The following GIMAP5 variants were observed in gnomAD, a reference collection of about 807,000 sequenced individuals.
The protein encoded by GIMAP5 is GTPase, IMAP family member 5, also known as GTPase IMAP family member 5.
Under a neutral mutation model 9.9 loss-of-function variants are expected in GIMAP5, and 8 were observed. That is an observed-to-expected ratio of 0.81 (90% CI 0.47 to 1.45). GIMAP5 has a LOEUF of 1.45. Ranked by LOEUF, GIMAP5 falls within the 40% of genes most tolerant of loss-of-function variation. The pLI is 0.00. For synonymous variants in GIMAP5, 174 were observed against 151.4 expected (o/e 1.15, Z -1.09); for missense variants, 353 against 367.4 (o/e 0.96, Z 0.32).
At chr7:150,739,006 GT>G (rs1212957087) in intron 1 of GIMAP5, 2 of 152,226 alleles carry the variant, frequency 1.3e-5, no homozygotes, top group African/African-American at 2.4e-5. Context: ...ACATAACATA[GT>G]TTGACTGGCT....
In GIMAP5 at chr7:150,737,649, C is replaced by T. The variant is rs1219405911; in HGVS notation, c.-66C>T. ...GCCACTTCACCTTCCTGAGAGAGGACCAGCGGCCAGAGCCTCAGTGACTGC... is the reference window on the plus strand; with the variant it reads ...GCCACTTCACCTTCCTGAGAGAGGATCAGCGGCCAGAGCCTCAGTGACTGC... On this transcript the variant is annotated 5_prime_UTR_variant, in exon 1 of 3. Transcript: ENST00000358647. 6.5e-7 allele frequency: 1 copy of T among 1,535,718 alleles called. No homozygotes were observed. Among genetic ancestry groups the T allele is most frequent in the Non-Finnish European group, 8.7e-7 (1 of 1,146,898 alleles).
rs753633013 is a variant in GIMAP5 at position 150,742,211 on chromosome 7, A to G, written c.72A>G (p.Thr24=). The G allele has an allele frequency of 3.7e-6, 6 of 1,614,134 alleles. No individual in the cohort carries two copies. The highest frequency in any genetic ancestry group is 5.1e-6 in the Non-Finnish European group (6 of 1,179,964). The change falls in exon 3 of 3, where the codon ACA becomes ACG. Residue 24 remains threonine, a synonymous_variant. Coordinates refer to ENST00000358647, the MANE Select transcript of GIMAP5 (RefSeq NM_018384.5). ...GATCAGAAGATAACTTGTCTGCAAC[A>G]CCACCGGCATTGAGGATTATCCTAG... The part of the protein sequence containing the change: ...EGRSEDNLSA[T]PPALRIILVG...
At chr7:150,742,069 A>G (rs1429822632) in intron 2 of GIMAP5, 114 bp from the exon 3 acceptor site, 7 of 1,248,548 alleles carry the variant, frequency 5.6e-6, no homozygotes, top group Non-Finnish European at 7.8e-6. Context: ...ACACATAAAT[A>G]TGTCTGTCAT....
intron 1 of GIMAP5, chr7:150,739,936 A>G (rs1797570188): frequency 6.6e-6 from 1 of 152,264 alleles, no homozygotes; most frequent in Non-Finnish European, 1.5e-5. Context: ...CAAATAAACC[A>G]TGAAAACTGT....
chr7:150,737,758 T>C, intron 1 of GIMAP5, 50 bp downstream of exon 1: 2 of 1,442,096 alleles, frequency 1.4e-6, no homozygotes, highest in Non-Finnish European at 1.9e-6. Context: ...ATTGAAAGGA[T>C]CACAGTTTGG....
intron 2 of GIMAP5, among the ~76,000 whole-genome samples, chr7:150,741,309 C>T (rs10239400): frequency 1.1e-4 from 17 of 151,970 alleles, no homozygotes; most frequent in East Asian, 3.9e-4. Flanking sequence ...CTTAAGAAAA[C>T]GAAGAACCAA....
chr7:150,740,701 C>T, intron 1 of GIMAP5, 178 bp from the exon 2 acceptor site: 4 of 596,684 alleles, frequency 6.7e-6, no homozygotes, highest in Admixed American at 3.1e-5. Context: ...CTAACATCAC[C>T]TGCTTTGTTT....
At chr7:150,739,859 A>G (rs1454324625) in intron 1 of GIMAP5, 1 of 152,240 alleles carries the variant, frequency 6.6e-6, no homozygotes, top group Non-Finnish European at 1.5e-5. Flanking sequence ...GAATGAATAG[A>G]AAAATGTGGA....
At position 150,742,595 on chromosome 7, in the gene GIMAP5, C is replaced by T; in HGVS notation, c.456C>T (p.His152=). Reference sequence around the variant, plus strand: ...GACATGTGGTCATCCTCTTCACCCACAAAGAGGACTTAGGGGGCCAGGCCC... The same window carrying T: ...GACATGTGGTCATCCTCTTCACCCATAAAGAGGACTTAGGGGGCCAGGCCC... ...AMRHVVILFT[H]KEDLGGQALD... is the part of the protein sequence containing the mutation. The change falls in exon 3 of 3, where the codon CAC becomes CAT. Residue 152 remains histidine (H), a synonymous_variant. Coordinates refer to ENST00000358647, the MANE Select transcript of GIMAP5 (RefSeq NM_018384.5). 8 of 1,614,214 alleles carry T rather than the reference C, an allele frequency of 5.0e-6. No homozygotes were observed. The highest frequency in any genetic ancestry group is 6.8e-6 in the Non-Finnish European group (8 of 1,180,042).
At chr7:150,740,157 C>T (rs1797573188) in intron 1 of GIMAP5, 2 of 152,194 alleles carry the variant, frequency 1.3e-5, no homozygotes, top group Non-Finnish European at 2.9e-5. Context: ...GGAAAATGTA[C>T]ATCCCCAATA....
At position 150,742,793 on chromosome 7, in the gene GIMAP5, C is replaced by T. The variant is rs1208435748; in HGVS notation, c.654C>T (p.Phe218=). 8.1e-6 allele frequency: 13 copies of T among 1,614,130 alleles called. No homozygotes were observed. Among genetic ancestry groups the T allele is most frequent in the Non-Finnish European group, 1.1e-5 (13 of 1,180,038 alleles). ...TGGGGAGGGAGCGAGAGGGCTCCTT[C>T]CACAGCAATGACCTCTTCTTGGATG... The part of the protein sequence containing the change: ...ERLGREREGS[F]HSNDLFLDAQ... Residue 218 remains phenylalanine, a synonymous_variant, in exon 3 of 3, where the codon TTC becomes TTT. Coordinates refer to ENST00000358647, the MANE Select transcript of GIMAP5 (RefSeq NM_018384.5).
chr7:150,742,050 C>T, intron 2 of GIMAP5, 133 bp from the exon 3 acceptor site: 2 of 1,111,070 alleles, frequency 1.8e-6, no homozygotes, highest in African/African-American at 3.2e-5. Context: ...TGTATGCACA[C>T]TTTTATGTAC....
chr7:150,737,652 G>A lies in GIMAP5; in HGVS notation c.-63G>A, dbSNP rs1284355360. 1 of 1,535,732 alleles carries A rather than the reference G, an allele frequency of 6.5e-7. No individual in the cohort carries two copies. Among genetic ancestry groups the A allele is most frequent in the Admixed American group, 2.0e-5 (1 of 51,008 alleles). ...ACTTCACCTTCCTGAGAGAGGACCA[G>A]CGGCCAGAGCCTCAGTGACTGCCAC... On this transcript the variant is annotated 5_prime_UTR_variant, in exon 1 of 3. Transcript: ENST00000358647.
Position 150,743,128 on chromosome 7 carries a change from A to G in GIMAP5, c.*65A>G, listed in dbSNP as rs546192593. On this transcript the variant is annotated 3_prime_UTR_variant, in exon 3 of 3. Transcript: ENST00000358647. ...GGAGTCATTGTTCTAATAATCACCAATTCAGACTCAGATCCTCGTGGTCTA... is the reference window on the plus strand; with the variant it reads ...GGAGTCATTGTTCTAATAATCACCAGTTCAGACTCAGATCCTCGTGGTCTA... 3 of 1,529,104 alleles carry G rather than the reference A, an allele frequency of 2.0e-6. No homozygotes were observed. Among genetic ancestry groups the G allele is most frequent in the Admixed American group, 3.9e-5 (2 of 51,830 alleles). 94.7% of individuals were successfully genotyped at this position (1,529,104 alleles called of 1,614,324 possible).
In GIMAP5 at chr7:150,742,671, C is replaced by T. The variant is rs372355155; in HGVS notation, c.532C>T (p.Arg178Trp). Residue 178 changes from arginine (R) to tryptophan (W), a missense_variant, in exon 3 of 3, where the codon CGG (arginine) becomes TGG (tryptophan). Physicochemically the swap from Arg to Trp is moderately radical, Grantham distance 101. Transcript: ENST00000358647. The stretch of plus-strand genomic sequence containing the variant: ...CAACTGCAGCCTGAAAGACCTGGTG[C>T]GGGAGTGTGAGAGAAGGTACTGTGC... The part of the protein sequence containing the change: ...TDNCSLKDLV[R>W]ECERRYCAFN... The T allele has an allele frequency of 1.0e-4, 162 of 1,614,158 alleles. No homozygotes were observed. The highest frequency in any genetic ancestry group is 1.2e-4 in the Non-Finnish European group (142 of 1,180,036).
chr7:150,737,648 A>C lies in GIMAP5; in HGVS notation c.-67A>C. ...TGCCACTTCACCTTCCTGAGAGAGGACCAGCGGCCAGAGCCTCAGTGACTG... is the reference window on the plus strand; with the variant it reads ...TGCCACTTCACCTTCCTGAGAGAGGCCCAGCGGCCAGAGCCTCAGTGACTG... On this transcript the variant is annotated 5_prime_UTR_variant, in exon 1 of 3. Coordinates refer to ENST00000358647, the MANE Select transcript of GIMAP5 (RefSeq NM_018384.5). 2 of 1,535,704 alleles carry C rather than the reference A, an allele frequency of 1.3e-6. No homozygotes were observed. The highest frequency in any genetic ancestry group is 2.4e-5 in the South Asian group (2 of 84,064).
At chr7:150,738,780 C>T (rs1189755163) in intron 1 of GIMAP5, 2 of 152,254 alleles carry the variant, frequency 1.3e-5, no homozygotes, top group Admixed American at 6.5e-5. Context: ...ACACGTATCA[C>T]ATTCCTTCAA....
Position 150,743,316 on chromosome 7 carries a change from C to T in GIMAP5, c.*253C>T, listed in dbSNP as rs1042785191. On this transcript the variant is annotated 3_prime_UTR_variant, in exon 3 of 3. Transcript: ENST00000358647. ...AATGGGCCTGAGATCCCATGCAGGT[C>T]CCTGAGAAGTGAGTAAAAGTCCGCA... The T allele has an allele frequency of 1.3e-5, 6 of 455,994 alleles. No homozygotes were observed. The highest frequency in any genetic ancestry group is 6.0e-4 in the Middle Eastern group (1 of 1,666). 28.2% of individuals were successfully genotyped at this position (455,994 alleles called of 1,614,324 possible). A position where few individuals can be genotyped will look rare whatever the true frequency, so the allele number is the denominator to read the frequency against.
Position 150,737,549 on chromosome 7 carries a change from C to T in GIMAP5, c.-166C>T, listed in dbSNP as rs771880467. 43 of 1,535,704 alleles carry T rather than the reference C, an allele frequency of 2.8e-5. No homozygotes were observed. Among genetic ancestry groups the T allele is most frequent in the Non-Finnish European group, 3.6e-5 (41 of 1,146,906 alleles). ...GCCCCAGCACATGGCTCCTCCTTAA[C>T]TGCGTCTGCTCAACCTCCCTCAGCC... On this transcript the variant is annotated 5_prime_UTR_variant, in exon 1 of 3. Transcript: ENST00000358647.
Sources: gnomAD v4.1 joint callset for allele counts (sites outside exome capture counted in the v4.1 genomes callset) on GRCh38, gnomAD v4.1.1 for gene constraint, MANE v1.5 for transcripts, NCBI Gene and HGNC (gene_info 2026-07-23, HGNC 2026-07-21) for gene names.